Variants in SPINK7 observed in about 807,000 individuals in gnomAD.
SPINK7 encodes the protein serine protease inhibitor Kazal-type 7.
A neutral mutation model predicts 11.6 loss-of-function variants in SPINK7; 8 were observed. The ratio of observed to expected loss-of-function variants is 0.69; its 90% confidence interval spans 0.41 to 1.25. SPINK7 has a LOEUF of 1.25. Among genes scored for constraint, SPINK7 ranks in the 50% most tolerant of loss-of-function variants. The pLI is 0.01. For synonymous variants in SPINK7, 38 were observed against 35.3 expected, an observed-to-expected ratio of 1.08 and a Z score of -0.27; for missense variants, 113 against 99.3, an observed-to-expected ratio of 1.14 and a Z score of -0.58.
At chr5:148,312,570 A>G (rs747003291) in intron 1 of SPINK7, 26 bp downstream of exon 1, 5 of 1,378,012 alleles carry the variant, frequency 3.6e-6, no homozygotes, top group East Asian at 4.6e-5. Context: ...ACAGTGCCCT[A>G]TATAGCCATT....
At chr5:148,312,578 A>G in intron 1 of SPINK7, 34 bp downstream of exon 1, 2 of 1,286,730 alleles carry the variant, frequency 1.6e-6, no homozygotes, top group Non-Finnish European at 2.2e-6. Context: ...CTATATAGCC[A>G]TTAAGATTGT....
intron 1 of SPINK7, 113 bp downstream of exon 1, chr5:148,312,657 CT>C: frequency 1.5e-6 from 1 of 668,062 alleles, no homozygotes. Flanking sequence ...TTAAAGTGTA[CT>C]GGTTTGTAAT....
Position 148,315,650 on chromosome 5 carries a change from G to A in SPINK7, c.224G>A (p.Gly75Glu), listed in dbSNP as rs1756921793. The A allele has an allele frequency of 1.9e-6, 3 of 1,602,298 alleles. No homozygotes were observed. In the African/African-American group the frequency reaches 4.0e-5, roughly 21 times the overall value. The part of the protein sequence containing the change: ...HLCTESLKSN[G>E]RVQFLHDGSC ...GTGTCTTCCCTTAGGAAAAGTAATGGAAGAGTTCAGTTTCTTCACGATGGA... is the reference window on the plus strand; with the variant it reads ...GTGTCTTCCCTTAGGAAAAGTAATGAAAGAGTTCAGTTTCTTCACGATGGA... Residue 75 changes from glycine to glutamate, a missense_variant, in exon 4 of 4, where the codon GGA (glycine) becomes GAA (glutamate). By Grantham distance (98) the Gly-to-Glu change is moderately conservative. Transcript: ENST00000274565.
chr5:148,315,738 A>G lies in SPINK7; in HGVS notation c.*54A>G. 1 of 1,102,224 alleles carries G rather than the reference A, an allele frequency of 9.1e-7. No homozygotes were observed. Among genetic ancestry groups the G allele is most frequent in the South Asian group, 1.3e-5 (1 of 79,198 alleles). The allele number at this position is 1,102,224 out of a possible 1,614,324, so 68.3% of individuals were successfully genotyped here. A position where few individuals can be genotyped will look rare whatever the true frequency, so the allele number is the denominator to read the frequency against. On this transcript the variant is annotated 3_prime_UTR_variant, in exon 4 of 4. Transcript: ENST00000274565. ...TGATATTCTCATCATCATCTTCATC[A>G]TCCCAGGCTCTGACTGAGTTTCTTT...
At chr5:148,315,036 T>C (rs1756911538) in intron 3 of SPINK7, among the ~76,000 whole-genome samples, 1 of 152,180 alleles carries the variant, frequency 6.6e-6, no homozygotes, top group African/African-American at 2.4e-5. Flanking sequence ...TGATCATCGT[T>C]AACTCTTTTA....
intron 3 of SPINK7, 60 bp downstream of exon 3, chr5:148,314,284 T>C: frequency 6.3e-7 from 1 of 1,576,742 alleles, no homozygotes; most frequent in Non-Finnish European, 8.7e-7. Flanking sequence ...TACAAACGCT[T>C]CTACTTTCCA....
chr5:148,312,502 C>A lies in SPINK7; in HGVS notation c.19C>A (p.Leu7Ile), dbSNP rs750828846. ...TTCCAGCATGAAGATCACTGGGGGT[C>A]TCCTTCTGCTCTGTACAGTGGTCTA... is the stretch of plus-strand genomic sequence containing the variant. Reference protein sequence around the residue: MKITGGLLLLCTVVYFC... With the variant: MKITGGILLLCTVVYFC... Residue 7 changes from leucine to isoleucine, a missense_variant, in exon 1 of 4, where the codon CTC (leucine) becomes ATC (isoleucine). Physicochemically the swap from Leu to Ile is conservative, Grantham distance 5 (BLOSUM62 2). Coordinates refer to ENST00000274565, the MANE Select transcript of SPINK7 (RefSeq NM_032566.3). The A allele has an allele frequency of 3.9e-5, 63 of 1,611,838 alleles. No individual in the cohort carries two copies. In the Middle Eastern group the frequency reaches 4.9e-4, roughly 13 times the overall value.
At chr5:148,313,281 TGTAGA>T (rs1178137999) in intron 1 of SPINK7, 88 bp from the exon 2 acceptor site, 16 of 938,164 alleles carry the variant, frequency 1.7e-5, no homozygotes, top group Admixed American at 6.8e-5. Flanking sequence ...CTAAAGGAAA[TGTAGA>T]GTAATTATAT....
intron 2 of SPINK7, 72 bp downstream of exon 2, chr5:148,313,471 A>ACATTTTAATGTCAATAACAATTGACTGTC: frequency 8.5e-7 from 1 of 1,183,364 alleles, no homozygotes; most frequent in Non-Finnish European, 1.2e-6. Flanking sequence ...ATGTAGGATA[A>ACATTTTAATGTCAATAACAATTGACTGTC]ATTATGTTTA....
rs1334802892 is a variant in SPINK7 at position 148,314,636 on chromosome 5, C to A, written c.212+412C>A. ...TAGTGGAGTGCCATACAATATCATGCTTGAAGAAAGGGCCCTGAATCCCCA... is the reference window on the plus strand; with the variant it reads ...TAGTGGAGTGCCATACAATATCATGATTGAAGAAAGGGCCCTGAATCCCCA... On this transcript the variant is annotated intron_variant, in intron 3 of 3. Transcript: ENST00000274565. 3.6e-5 allele frequency: 6 copies of A among 164,800 alleles called. No individual in the cohort carries two copies. In the Admixed American group the frequency reaches 3.7e-4, roughly 10 times the overall value. The allele number at this position is 164,800 out of a possible 1,614,324, so 10.2% of individuals were successfully genotyped here. A position where few individuals can be genotyped will look rare whatever the true frequency, so the allele number is the denominator to read the frequency against.
At chr5:148,312,883 G>T in intron 1 of SPINK7, among the ~76,000 whole-genome samples, 1 of 152,048 alleles carries the variant, frequency 6.6e-6, no homozygotes, top group East Asian at 1.9e-4. Context: ...TCCCAAATCA[G>T]TTTGGGGGGA....
At chr5:148,312,651 AGT>A in intron 1 of SPINK7, 107 bp downstream of exon 1, 2 of 690,562 alleles carry the variant, frequency 2.9e-6, no homozygotes, top group Non-Finnish European at 5.1e-6. Context: ...AAGAATTTAA[AGT>A]GTACTGGTTT....
chr5:148,313,400 G>T lies in SPINK7; in HGVS notation c.87+1G>T. 2 of 1,596,914 alleles carry T rather than the reference G, an allele frequency of 1.3e-6. No homozygotes were observed. Among genetic ancestry groups the T allele is most frequent in the Non-Finnish European group, 1.7e-6 (2 of 1,167,536 alleles). ...AGCTGCTAGTCTGTCTCCAAAAAAA[G>T]TAAGTATGTTGAATAACATTTTAAT... is the stretch of plus-strand genomic sequence containing the variant. On this transcript the variant is annotated splice_donor_variant, in intron 2 of 3. Coordinates refer to ENST00000274565, the MANE Select transcript of SPINK7 (RefSeq NM_032566.3). LOFTEE classifies it high-confidence loss of function.
At chr5:148,315,171 T>C (rs1756913177) in intron 3 of SPINK7, among the ~76,000 whole-genome samples, 1 of 152,184 alleles carries the variant, frequency 6.6e-6, no homozygotes, top group South Asian at 2.1e-4. Flanking sequence ...TGGGAGGTTT[T>C]ATTTCACAAA....
At chr5:148,313,998 C>G (rs1756895980) in intron 2 of SPINK7, 102 bp from the exon 3 acceptor site, 1 of 1,470,866 alleles carries the variant, frequency 6.8e-7, no homozygotes, top group African/African-American at 1.4e-5. Flanking sequence ...CAAGCAACAT[C>G]TGAATATCTG....
chr5:148,314,042 T>C (rs41291443), intron 2 of SPINK7, 58 bp from the exon 3 acceptor site: 36,242 of 1,608,764 alleles, frequency 0.023, 498 homozygotes, highest in Non-Finnish European at 0.027. Context: ...GTATATCTAA[T>C]AGTGGCCTAG....
chr5:148,314,426 C>T (rs1756903944), intron 3 of SPINK7: 1 of 593,594 alleles, frequency 1.7e-6, no homozygotes, highest in Non-Finnish European at 3.0e-6. Context: ...TGGACTAGTC[C>T]CATCCCATCA....
In SPINK7 at chr5:148,315,786, G is replaced by T. The variant is rs1756924874; in HGVS notation, c.*102G>T. 4 of 725,628 alleles carry T rather than the reference G, an allele frequency of 5.5e-6. No homozygotes were observed. The highest frequency in any genetic ancestry group is 3.5e-5 in the African/African-American group (2 of 57,546). 44.9% of individuals were successfully genotyped at this position (725,628 alleles called of 1,614,324 possible). A position where few individuals can be genotyped will look rare whatever the true frequency, so the allele number is the denominator to read the frequency against. On this transcript the variant is annotated 3_prime_UTR_variant, in exon 4 of 4. Coordinates refer to ENST00000274565, the MANE Select transcript of SPINK7 (RefSeq NM_032566.3). ...TTTCAGTTTTACTGATGTTCTGGGT[G>T]GGGGACAGAGCCAGATTCAGAGTAA...
chr5:148,313,615 G>C (rs1561760855), intron 2 of SPINK7: 3 of 415,144 alleles, frequency 7.2e-6, no homozygotes, highest in Non-Finnish European at 1.3e-5. Context: ...AGTTAAAGAA[G>C]GGAGAACCGC....
Sources: gnomAD v4.1 joint callset for allele counts (sites outside exome capture counted in the v4.1 genomes callset) on GRCh38, gnomAD v4.1.1 for gene constraint, MANE v1.5 for transcripts, NCBI Gene and HGNC (gene_info 2026-07-23, HGNC 2026-07-21) for gene names.